The following WDR70 variants were observed in gnomAD, a reference collection of about 807,000 sequenced individuals.
WDR70 encodes the protein WD repeat-containing protein 70.
Under a neutral mutation model 88.6 loss-of-function variants are expected in WDR70, and 53 were observed. The ratio of observed to expected loss-of-function variants is 0.60; its 90% CI spans 0.48 to 0.75. The LOEUF (loss-of-function observed/expected upper bound fraction) is 0.75, where lower values mean the gene tolerates loss of function less well. WDR70 is among the 30% of genes least tolerant of loss of function. WDR70 has a pLI of 0.00. For missense variants in WDR70, 610 were observed against 823.2 expected, an observed-to-expected ratio of 0.74 and a Z score of 3.17; for synonymous variants, 280 against 270.0, an observed-to-expected ratio of 1.04 and a Z score of -0.36.
chr5:37,497,649 A>G (rs921697438), intron 8 of WDR70, among the ~76,000 whole-genome samples: 2 of 152,068 alleles, frequency 1.3e-5, no homozygotes, highest in East Asian at 3.9e-4. Flanking sequence ...GCCCTCGATA[A>G]TAGGTATTTT....
intron 10 of WDR70, among the ~76,000 whole-genome samples, chr5:37,681,690 G>T (rs1746441381): frequency 6.6e-6 from 1 of 152,134 alleles, no homozygotes; most frequent in South Asian, 2.1e-4. Context: ...AGATAATCAT[G>T]TGGTTTTGTG....
At position 37,605,040 on chromosome 5, in the gene WDR70, G is replaced by GA. The variant is rs1239852129; in HGVS notation, c.918-19dup. On this transcript the variant is annotated intron_variant, in intron 9 of 17. Transcript: ENST00000265107. Reference sequence around the variant, plus strand: ...TCCTTCTTTTTTTTTTTAAATAAATGAAAAATCTCCTGATCATTTTTAGGA... The same window carrying GA: ...TCCTTCTTTTTTTTTTTAAATAAATGAAAAAATCTCCTGATCATTTTTAGGA... 5 of 1,507,148 alleles carry GA rather than the reference G, an allele frequency of 3.3e-6. No homozygotes were observed. In the East Asian group the frequency reaches 9.8e-5, roughly 30 times the overall value. The allele number at this position is 1,507,148 out of a possible 1,614,324, so 93.4% of individuals were successfully genotyped here. A position where few individuals can be genotyped will look rare whatever the true frequency, so the allele number is the denominator to read the frequency against.
chr5:37,648,807 T>C (rs1339671460), intron 10 of WDR70, among the ~76,000 whole-genome samples: 1 of 152,244 alleles, frequency 6.6e-6, no homozygotes, highest in African/African-American at 2.4e-5. Flanking sequence ...ATTCCATTTA[T>C]AAAAATGTTC....
intron 7 of WDR70, among the ~76,000 whole-genome samples, chr5:37,449,264 G>A (rs570871281): frequency 1.6e-4 from 25 of 152,124 alleles, no homozygotes; most frequent in Non-Finnish European, 3.4e-4. Flanking sequence ...CCTTTCTTTC[G>A]TTTTTGGAAA....
chr5:37,391,920 T>C (rs923517841), intron 3 of WDR70, 80 bp from the exon 4 acceptor site: 2 of 1,463,646 alleles, frequency 1.4e-6, no homozygotes, highest in Middle Eastern at 2.4e-4. Context: ...ACTATGTTAA[T>C]TTTTAGCCTT....
chr5:37,422,846 C>T (rs1448940642), intron 5 of WDR70, among the ~76,000 whole-genome samples: 3 of 151,838 alleles, frequency 2.0e-5, no homozygotes, highest in Non-Finnish European at 2.9e-5. Flanking sequence ...AGGCTGGTCT[C>T]GAACTCCTGA....
At chr5:37,542,333 G>A (rs182937306) in intron 9 of WDR70, among the ~76,000 whole-genome samples, 97 of 150,598 alleles carry the variant, frequency 6.4e-4, no homozygotes, top group African/African-American at 2.3e-3. Flanking sequence ...AGGCTGGAGT[G>A]CAGTGGCGTG....
At chr5:37,385,319 A>G (rs1561832007) in intron 3 of WDR70, among the ~76,000 whole-genome samples, 1 of 151,928 alleles carries the variant, frequency 6.6e-6, no homozygotes, top group Non-Finnish European at 1.5e-5. Flanking sequence ...CAGGAGTTTG[A>G]GATAAACCTG....
chr5:37,734,813 A>T (rs1748252718), intron 17 of WDR70, among the ~76,000 whole-genome samples: 2 of 152,130 alleles, frequency 1.3e-5, no homozygotes, highest in Non-Finnish European at 2.9e-5. Flanking sequence ...TATGAAAGTG[A>T]TCATGGAATT....
chr5:37,678,696 G>C (rs892203276), intron 10 of WDR70, among the ~76,000 whole-genome samples: 1 of 152,140 alleles, frequency 6.6e-6, no homozygotes, highest in Non-Finnish European at 1.5e-5. Flanking sequence ...TGGTGAATCT[G>C]ACAATTATGT....
At chr5:37,527,804 A>G (rs1004123159) in intron 9 of WDR70, among the ~76,000 whole-genome samples, 3 of 152,220 alleles carry the variant, frequency 2.0e-5, no homozygotes, top group African/African-American at 7.2e-5. Flanking sequence ...CAACCCCATC[A>G]AAAAGTGGGC....
intron 5 of WDR70, among the ~76,000 whole-genome samples, chr5:37,402,124 A>C (rs1338283472): frequency 6.6e-6 from 1 of 151,934 alleles, no homozygotes; most frequent in Non-Finnish European, 1.5e-5. Flanking sequence ...TGTTTCTACT[A>C]TTCTCTCCAC....
intron 8 of WDR70, among the ~76,000 whole-genome samples, chr5:37,510,908 C>T (rs558830364): frequency 6.6e-6 from 1 of 152,274 alleles, no homozygotes; most frequent in African/African-American, 2.4e-5. Context: ...AGGACTATGA[C>T]AGAAATGATA....
chr5:37,470,267 T>C (rs1739288466), intron 7 of WDR70, among the ~76,000 whole-genome samples: 1 of 152,196 alleles, frequency 6.6e-6, no homozygotes, highest in East Asian at 1.9e-4. Flanking sequence ...TAAAGTGTGG[T>C]AGTGTACCCA....
At chr5:37,532,408 T>A (rs898760505) in intron 9 of WDR70, among the ~76,000 whole-genome samples, 1 of 152,218 alleles carries the variant, frequency 6.6e-6, no homozygotes, top group Non-Finnish European at 1.5e-5. Context: ...TTTTTAGGTT[T>A]GTTTGTTTAA....
At chr5:37,598,702 T>C (rs902823589) in intron 9 of WDR70, among the ~76,000 whole-genome samples, 3 of 152,234 alleles carry the variant, frequency 2.0e-5, no homozygotes, top group Non-Finnish European at 4.4e-5. Flanking sequence ...AAATGGATGC[T>C]AAAGTGCTAG....
chr5:37,448,204 C>T, intron 7 of WDR70, among the ~76,000 whole-genome samples: 1 of 152,022 alleles, frequency 6.6e-6, no homozygotes. Flanking sequence ...TTAAATTGTC[C>T]TAGATTTGTC....
chr5:37,583,084 G>A (rs1201423766), intron 9 of WDR70, among the ~76,000 whole-genome samples: 1 of 152,112 alleles, frequency 6.6e-6, no homozygotes, highest in Non-Finnish European at 1.5e-5. Flanking sequence ...TCTCCTACAT[G>A]CAGTTCTTCC....
At chr5:37,516,725 A>ATATATTT (rs1197472263) in intron 9 of WDR70, 135 bp downstream of exon 9, 6 of 128,054 alleles carry the variant, frequency 4.7e-5, no homozygotes, top group African/African-American at 1.2e-4. Flanking sequence ...ATATATATAT[A>ATATATTT]TTTTTTTTTT....
Sources: allele counts gnomAD v4.1 joint callset (sites outside exome capture counted in the v4.1 genomes callset), GRCh38; gene constraint gnomAD v4.1.1; transcripts MANE v1.5; gene names NCBI Gene and HGNC (gene_info 2026-07-23, HGNC 2026-07-21).